The following PCNX3 variants were observed in gnomAD, a reference collection of about 807,000 sequenced individuals.
PCNX3 encodes the protein pecanex-like protein 3.
In PCNX3, 58 loss-of-function variants were observed where a neutral mutation model predicts 207.2. The observed-to-expected ratio is 0.28, with a 90% CI of 0.23 to 0.35. The LOEUF (loss-of-function observed/expected upper bound fraction) is 0.35. Among genes scored for constraint, PCNX3 ranks in the 10% least tolerant of loss-of-function variants. The pLI is 1.00. For synonymous variants in PCNX3, 1,337 were observed against 1,183.5 expected (o/e 1.13, Z -2.66); for missense variants, 2,410 against 2,774.4 (o/e 0.87, Z 2.95).
chr11:65,622,427 G>C (rs1337484867), intron 11 of PCNX3, 61 bp downstream of exon 11: 3 of 1,525,824 alleles, frequency 2.0e-6, no homozygotes, highest in African/African-American at 1.4e-5. Context: ...TGGCTCCCCA[G>C]ACTCTGTACC....
intron 8 of PCNX3, 126 bp downstream of exon 8, chr11:65,620,058 C>T (rs1302836115): frequency 2.8e-6 from 3 of 1,085,722 alleles, no homozygotes; most frequent in African/African-American, 3.2e-5. Flanking sequence ...AGACATCATC[C>T]TTGCAGCCTC....
rs114567511 is a variant in PCNX3, at chr11:65,633,393, C to T, written c.4471-733C>T. Among the ~76,000 whole-genome samples, 382 of 152,324 alleles carry T rather than the reference C, an allele frequency of 2.5e-3. 3 individuals carry two copies. Among genetic ancestry groups the T allele is most frequent in the African/African-American group, 8.8e-3 (367 of 41,570 alleles). On this transcript the variant is annotated intron_variant, in intron 27 of 34. Transcript: ENST00000355703. The stretch of plus-strand genomic sequence containing the variant: ...CCTGATGGCTGTCATGCTTCAGCTG[C>T]CTAAAGGGACCTGTGACCCAGGCAC...
rs1855869490 is a variant in PCNX3, at chr11:65,636,826, G to T, written c.5953G>T (p.Ala1985Ser). The T allele has an allele frequency of 6.5e-7, 1 of 1,549,882 alleles. No individual in the cohort carries two copies. Among genetic ancestry groups the T allele is most frequent in the Non-Finnish European group, 8.7e-7 (1 of 1,146,902 alleles). ...LSLSPDVSTEASPPRASQDIP... is the reference protein window; with the variant it reads ...LSLSPDVSTESSPPRASQDIP... ...CCTCAGCCCCGATGTCAGCACTGAG[G>T]CCTCACCCCCCAGAGCTTCCCAGGA... Residue 1985 changes from alanine to serine, a missense_variant, in exon 35 of 35, where the codon GCC (alanine) becomes TCC (serine). Physicochemically the swap from Ala to Ser is moderately conservative, Grantham distance 99. Transcript: ENST00000355703.
intron 23 of PCNX3, 44 bp from the exon 24 acceptor site, chr11:65,628,775 G>GGGGGGGGGGGGGGGGGGGGGGGC: frequency 1.0e-5 from 15 of 1,500,404 alleles, no homozygotes; most frequent in Admixed American, 1.7e-5. Flanking sequence ...GTGGTGGGGG[G>GGGGGGGGGGGGGGGGGGGGGGGC]CTGGGAGGTC....
chr11:65,636,414 C>T lies in PCNX3; in HGVS notation c.5617C>T (p.Pro1873Ser). The T allele has an allele frequency of 6.4e-7, 1 of 1,556,704 alleles. No individual in the cohort carries two copies. The highest frequency in any genetic ancestry group is 8.7e-7 in the Non-Finnish European group (1 of 1,151,968). Residue 1873 changes from proline to serine, a missense_variant, in exon 34 of 35, where the codon CCA becomes TCA. By Grantham distance (74) the Pro-to-Ser change is moderately conservative. Transcript: ENST00000355703. The part of the protein sequence containing the change: ...TAGNGDQPLP[P>S]GPGWGPRSSL... ...AGGCAATGGTGACCAACCCCTCCCA[C>T]CAGGCCCTGGCTGGGGGCCGCGGTC...
At chr11:65,628,750 C>T (rs997622746) in intron 23 of PCNX3, 47 bp downstream of exon 23, 9 of 681,528 alleles carry the variant, frequency 1.3e-5, no homozygotes, top group Non-Finnish European at 1.9e-5. Flanking sequence ...GGGCTGTGGC[C>T]TGGGGCAGTG....
At chr11:65,617,044 G>C (rs193114147) in intron 2 of PCNX3, 33 bp downstream of exon 2, 4 of 1,565,624 alleles carry the variant, frequency 2.6e-6, no homozygotes, top group Non-Finnish European at 3.5e-6. Context: ...TGGGGATTGA[G>C]GGTTTTTGGT....
At chr11:65,634,664 G>A in intron 29 of PCNX3, 23 bp downstream of exon 29, 1 of 1,542,312 alleles carries the variant, frequency 6.5e-7, no homozygotes, top group Non-Finnish European at 8.7e-7. Flanking sequence ...GTGTCCCGCG[G>A]GGCCTACTGC....
At position 65,625,771 on chromosome 11, in the gene PCNX3, C is replaced by G. The variant is rs753643906; in HGVS notation, c.3228+27C>G. The G allele has an allele frequency of 4.4e-6, 7 of 1,602,818 alleles. No individual in the cohort carries two copies. Among genetic ancestry groups the G allele is most frequent in the Admixed American group, 3.4e-5 (2 of 59,294 alleles). ...TTTGTGTGGCATGGGCCGCTGCTGC[C>G]TCTCGCTGTCTTGGCGGGAGCCTGC... On this transcript the variant is annotated intron_variant, in intron 19 of 34. Coordinates refer to ENST00000355703, the MANE Select transcript of PCNX3 (RefSeq NM_032223.4). This position sits in a 1 kb window ranked among gnomAD's most constrained non-coding sequence, Gnocchi z 5.6.
In PCNX3 at chr11:65,629,537, C is replaced by T; in HGVS notation, c.4018C>T (p.Leu1340Phe). ...DRNPGADDNN[L>F]NSIFYEHLTR... ...GGTCTTAGGCGCTGATGACAACAAC[C>T]TCAACTCCATCTTCTATGAGCACTT... Residue 1340 changes from leucine to phenylalanine, a missense_variant, in exon 26 of 35, where the codon CTC becomes TTC. Leu to Phe is a conservative substitution (Grantham distance 22). This residue lies in a region of PCNX3 where 420 missense variants were observed against 705.3 expected (regional missense o/e 0.60). Coordinates refer to ENST00000355703, the MANE Select transcript of PCNX3 (RefSeq NM_032223.4). The T allele has an allele frequency of 1.9e-6, 3 of 1,613,744 alleles. No homozygotes were observed. Among genetic ancestry groups the T allele is most frequent in the Non-Finnish European group, 2.5e-6 (3 of 1,179,846 alleles).
chr11:65,625,192 G>A lies in PCNX3; in HGVS notation c.2941G>A (p.Val981Ile), dbSNP rs199935145. The A allele has an allele frequency of 1.4e-4, 231 of 1,609,610 alleles. No individual in the cohort carries two copies. Among genetic ancestry groups the A allele is most frequent in the Non-Finnish European group, 1.9e-4 (223 of 1,179,218 alleles). The change falls in exon 17 of 35, where the codon GTC (valine) becomes ATC (isoleucine). Residue 981 changes from valine to isoleucine, a missense_variant. By Grantham distance (29) the Val-to-Ile change is conservative (BLOSUM62 3). This residue lies in a region of PCNX3 where 333 missense variants were observed against 386.8 expected (regional missense o/e 0.86). Coordinates refer to ENST00000355703, the MANE Select transcript of PCNX3 (RefSeq NM_032223.4). This position sits in a 1 kb window ranked among gnomAD's most constrained non-coding sequence, Gnocchi z 5.6. ...GCAGACTCCGTGGCCAGAGCAGCAC[G>A]TCCCTGTCCTCTTCTCAGTCTTCTG... ...AIKTPWPEQHVPVLFSVFCGL... is the reference protein window; with the variant it reads ...AIKTPWPEQHIPVLFSVFCGL...
At chr11:65,627,143 A>T in intron 21 of PCNX3, 95 bp downstream of exon 21, 2 of 1,424,816 alleles carry the variant, frequency 1.4e-6, no homozygotes, top group Non-Finnish European at 1.9e-6. Context: ...ATCATGTCTA[A>T]GGTTGTTTAG....
intron 11 of PCNX3, 140 bp from the exon 12 acceptor site, chr11:65,623,351 G>C: frequency 9.0e-7 from 1 of 1,111,534 alleles, no homozygotes; most frequent in East Asian, 2.8e-5. Flanking sequence ...CAAAGTTATA[G>C]GTGTTCACAT....
In PCNX3 at chr11:65,625,234, C is replaced by A; in HGVS notation, c.2983C>A (p.Leu995Met). 1.2e-6 allele frequency: 2 copies of A among 1,611,324 alleles called. No individual in the cohort carries two copies. Among genetic ancestry groups the A allele is most frequent in the Non-Finnish European group, 1.7e-6 (2 of 1,179,670 alleles). ...FSVFCGLLVA[L>M]SYHLSRQSSD... is the part of the protein sequence containing the mutation. ...AGTCTTCTGTGGCCTCCTGGTGGCACTGTCCTACCACCTGAGCCGGCAGAG... is the reference window on the plus strand; with the variant it reads ...AGTCTTCTGTGGCCTCCTGGTGGCAATGTCCTACCACCTGAGCCGGCAGAG... The change falls in exon 17 of 35, where the codon CTG becomes ATG. Residue 995 changes from leucine (L) to methionine (M), a missense_variant. By Grantham distance (15) the Leu-to-Met change is conservative. Transcript: ENST00000355703. This position sits in a 1 kb window ranked among gnomAD's most constrained non-coding sequence, Gnocchi z 5.6.
At chr11:65,620,315 C>T in intron 8 of PCNX3, 24 bp from the exon 9 acceptor site, 1 of 1,602,258 alleles carries the variant, frequency 6.2e-7, no homozygotes, top group Non-Finnish European at 8.5e-7. Flanking sequence ...GCCACGCTGC[C>T]TCATCTCCCA....
chr11:65,630,900 C>T (rs1235627704), intron 27 of PCNX3, among the ~76,000 whole-genome samples: 1 of 152,238 alleles, frequency 6.6e-6, no homozygotes, highest in Admixed American at 6.5e-5. Context: ...GCCCCTGCCC[C>T]CAGCTCACCC....
intron 20 of PCNX3, chr11:65,626,605 T>C (rs1855403948): frequency 4.2e-6 from 2 of 479,860 alleles, no homozygotes; most frequent in East Asian, 8.2e-5. Flanking sequence ...GGGCTCACTG[T>C]GCACTCAGGC....
At position 65,634,314 on chromosome 11, in the gene PCNX3, G is replaced by A. The variant is rs1307667724; in HGVS notation, c.4659G>A (p.Val1553=). Residue 1553 remains valine, a synonymous_variant, in exon 28 of 35, where the codon GTG becomes GTA. Transcript: ENST00000355703. The part of the protein sequence containing the change: ...SGLSLPSFCA[V]HLEWIQYCAS... ...TCTCGCTGCCCTCCTTTTGTGCTGT[G>A]CACCTCGAGTGGATCCAGTACTGCG... 3.1e-6 allele frequency: 5 copies of A among 1,606,296 alleles called. No individual in the cohort carries two copies. In the Admixed American group the frequency reaches 5.1e-5, roughly 16 times the overall value.
In PCNX3 at chr11:65,622,236, G is replaced by A. The variant is rs763881066; in HGVS notation, c.2236-9G>A. ...CCTGCTGGACCAGGACTCCCTGCAC[G>A]AATCCCAGGAGCAGACACTGATGGA... On this transcript the variant is annotated splice_polypyrimidine_tract_variant and intron_variant, in intron 10 of 34. Transcript: ENST00000355703. 2.4e-5 allele frequency: 38 copies of A among 1,601,504 alleles called. No individual in the cohort carries two copies. Among genetic ancestry groups the A allele is most frequent in the Middle Eastern group, 1.7e-4 (1 of 6,040 alleles).
Sources: allele counts gnomAD v4.1 joint callset (sites outside exome capture counted in the v4.1 genomes callset), GRCh38; gene constraint gnomAD v4.1.1; regional missense constraint gnomAD v4.1.1; non-coding constraint Gnocchi (gnomAD v3.1); transcripts MANE v1.5; gene names NCBI Gene and HGNC (gene_info 2026-07-23, HGNC 2026-07-21).